The following CD226 variants were observed in gnomAD, a reference collection of about 807,000 sequenced individuals.
CD226 encodes CD226 molecule, also known as CD226 antigen.
CD226 carries 24 observed loss-of-function variants against 34.9 expected under a neutral mutation model. That is an observed-to-expected ratio of 0.69 (90% CI 0.50 to 0.97). CD226 has a LOEUF of 0.97. Among genes scored for constraint, CD226 ranks in the 50% least tolerant of loss-of-function variants. CD226 has a pLI of 0.00. For missense variants in CD226, 397 were observed against 412.7 expected (o/e 0.96, Z 0.33); for synonymous variants, 148 against 147.4 (o/e 1.00, Z -0.03).
In CD226 at chr18:69,861,554, G is replaced by GTATATATGTATATATATA. The variant is rs1555675807; in HGVS notation, c.*2759_*2760insTATATATATACATATATA. On this transcript the variant is annotated 3_prime_UTR_variant, in exon 6 of 6. Transcript: ENST00000582621. Reference sequence around the variant, plus strand: ...ATAAATTATATGTGTATATATATATGTATATATATATATATATATGTAAAA... The same window carrying GTATATATGTATATATATA: ...ATAAATTATATGTGTATATATATATGTATATATGTATATATATATATATATATATATATATATGTAAAA... 7.8e-6 allele frequency: 1 copy of GTATATATGTATATATATA among 127,946 alleles called. No individual in the cohort carries two copies. The highest frequency in any genetic ancestry group is 1.7e-5 in the Non-Finnish European group (1 of 60,364). 7.9% of individuals were successfully genotyped at this position (127,946 alleles called of 1,614,324 possible).
chr18:69,914,504 C>T (rs1013109896), intron 2 of CD226, among the ~76,000 whole-genome samples: 1 of 152,126 alleles, frequency 6.6e-6, no homozygotes, highest in African/African-American at 2.4e-5. Context: ...TACAGAGTTC[C>T]GTATTTGTGC....
chr18:69,913,556 T>TA (rs148241443), intron 2 of CD226, among the ~76,000 whole-genome samples: 9 of 152,044 alleles, frequency 5.9e-5, no homozygotes, highest in Non-Finnish European at 1.2e-4. Flanking sequence ...GAACATTATT[T>TA]AAAAAAAATA....
chr18:69,933,927 TA>T, intron 2 of CD226, among the ~76,000 whole-genome samples: 1 of 152,346 alleles, frequency 6.6e-6, no homozygotes, highest in African/African-American at 2.4e-5. Flanking sequence ...TTAAAGAGAA[TA>T]AAAGGAAGAA....
chr18:69,921,722 A>G (rs190463725), intron 2 of CD226, among the ~76,000 whole-genome samples: 2 of 152,242 alleles, frequency 1.3e-5, no homozygotes, highest in East Asian at 1.9e-4. Context: ...GTCAAAGGGA[A>G]GAATGCAAAT....
chr18:69,870,271 C>T (rs1023411354), intron 4 of CD226, among the ~76,000 whole-genome samples: 1 of 141,782 alleles, frequency 7.1e-6, no homozygotes, highest in Non-Finnish European at 1.6e-5. Flanking sequence ...TTTGGCTCCC[C>T]CTTTTTTTTT....
chr18:69,909,806 A>G (rs1451647696), intron 2 of CD226, among the ~76,000 whole-genome samples: 1 of 152,260 alleles, frequency 6.6e-6, no homozygotes, highest in Non-Finnish European at 1.5e-5. Context: ...AATCCTACGC[A>G]ACAATAATTC....
At chr18:69,960,406 A>G (rs894616053), upstream of CD226, among the ~76,000 whole-genome samples, 1 of 152,176 alleles carries the variant, frequency 6.6e-6, no homozygotes, top group Non-Finnish European at 1.5e-5. Context: ...ACAAAAGGCA[A>G]TTATGATGAA....
In CD226 at chr18:69,864,223, G is replaced by A; in HGVS notation, c.*91C>T. The A allele has an allele frequency of 8.8e-7, 1 of 1,139,428 alleles. No homozygotes were observed. The highest frequency in any genetic ancestry group is 2.4e-5 in the East Asian group (1 of 41,550). The allele number at this position is 1,139,428 out of a possible 1,614,324, so 70.6% of individuals were successfully genotyped here. On this transcript the variant is annotated 3_prime_UTR_variant, in exon 6 of 6. Coordinates refer to ENST00000582621, the MANE Select transcript of CD226 (RefSeq NM_001303618.2). Reference sequence around the variant, plus strand: ...CTCAATTCAGACAACTAGTATCTAAGGTAGACCTTGGGTAGTGGAAAAAAA... The same window carrying A: ...CTCAATTCAGACAACTAGTATCTAAAGTAGACCTTGGGTAGTGGAAAAAAA...
chr18:69,883,877 G>A (rs761833068), intron 3 of CD226, among the ~76,000 whole-genome samples: 3 of 152,176 alleles, frequency 2.0e-5, no homozygotes, highest in Non-Finnish European at 4.4e-5. Context: ...TTGCTGGAAG[G>A]ACACACAGCT....
intron 1 of CD226, among the ~76,000 whole-genome samples, chr18:69,953,017 C>A (rs2055866823): frequency 6.6e-6 from 1 of 152,190 alleles, no homozygotes; most frequent in Non-Finnish European, 1.5e-5. Flanking sequence ...TGAGAACTCA[C>A]TTTATATCTA....
At chr18:69,915,026 G>A (rs1273667051) in intron 2 of CD226, among the ~76,000 whole-genome samples, 2 of 152,144 alleles carry the variant, frequency 1.3e-5, no homozygotes, top group Non-Finnish European at 2.9e-5. Flanking sequence ...ATGCCATTCA[G>A]GGTAATCACA....
chr18:69,926,205 T>C (rs1014224411), intron 2 of CD226, among the ~76,000 whole-genome samples: 6 of 151,912 alleles, frequency 3.9e-5, no homozygotes, highest in African/African-American at 1.4e-4. Flanking sequence ...TCTGCTTGTA[T>C]CTATCCCATT....
chr18:69,957,346 T>C (rs2055906437), upstream of CD226, among the ~76,000 whole-genome samples: 1 of 73,510 alleles, frequency 1.4e-5, no homozygotes, highest in Non-Finnish European at 4.4e-5. Flanking sequence ...ACTTTCTAGA[T>C]ACTCTTTTTT....
At chr18:69,869,975 T>G (rs182469011) in intron 4 of CD226, among the ~76,000 whole-genome samples, 2,663 of 151,062 alleles carry the variant, frequency 0.018, 62 homozygotes, top group South Asian at 0.1. Context: ...TAATTTTTTT[T>G]TTATTTTTAG....
chr18:69,875,185 C>A (rs567759055), intron 3 of CD226, among the ~76,000 whole-genome samples: 16 of 152,286 alleles, frequency 1.1e-4, no homozygotes, highest in African/African-American at 3.8e-4. Flanking sequence ...GTCACCCAGG[C>A]TGGAGTGCAG....
Position 69,864,233 on chromosome 18 carries a change from G to T in CD226, c.*81C>A. ...ACAACTAGTATCTAAGGTAGACCTT[G>T]GGTAGTGGAAAAAAATTGCATAAAG... is the stretch of plus-strand genomic sequence containing the variant. On this transcript the variant is annotated 3_prime_UTR_variant, in exon 6 of 6. Coordinates refer to ENST00000582621, the MANE Select transcript of CD226 (RefSeq NM_001303618.2). 1 of 1,313,598 alleles carries T rather than the reference G, an allele frequency of 7.6e-7. No homozygotes were observed. The highest frequency in any genetic ancestry group is 2.3e-5 in the East Asian group (1 of 42,854). The allele number at this position is 1,313,598 out of a possible 1,614,324, so 81.4% of individuals were successfully genotyped here. A position where few individuals can be genotyped will look rare whatever the true frequency, so the allele number is the denominator to read the frequency against.
In CD226 at chr18:69,860,531, G is replaced by T. The variant is rs1982759849; in HGVS notation, c.*3783C>A. The T allele has an allele frequency of 6.6e-6, 1 of 152,144 alleles. No individual in the cohort carries two copies. The highest frequency in any genetic ancestry group is 2.4e-5 in the African/African-American group (1 of 41,424). The allele number at this position is 152,144 out of a possible 1,614,324, so 9.4% of individuals were successfully genotyped here. A position where few individuals can be genotyped will look rare whatever the true frequency, so the allele number is the denominator to read the frequency against. On this transcript the variant is annotated 3_prime_UTR_variant, in exon 6 of 6. Transcript: ENST00000582621. ...CTTGAGGATTTATAAAATTTCCTTA[G>T]AAAGCATTGCAGTTAATTCTAGAAG...
intron 2 of CD226, among the ~76,000 whole-genome samples, chr18:69,928,034 C>T (rs986297825): frequency 1.4e-4 from 21 of 152,154 alleles, no homozygotes; most frequent in African/African-American, 5.1e-4. Flanking sequence ...TCTCATTAAG[C>T]TATGAAATAT....
At chr18:69,904,946 C>T (rs1290470892) in intron 2 of CD226, among the ~76,000 whole-genome samples, 4 of 152,188 alleles carry the variant, frequency 2.6e-5, no homozygotes, top group African/African-American at 9.7e-5. Context: ...TCCCTGGAGA[C>T]TACATTAAGC....
Sources: gnomAD v4.1 joint callset for allele counts (sites outside exome capture counted in the v4.1 genomes callset) on GRCh38, gnomAD v4.1.1 for gene constraint, MANE v1.5 for transcripts, NCBI Gene and HGNC (gene_info 2026-07-23, HGNC 2026-07-21) for gene names.